HPSE: variants seen among roughly 807,000 people sequenced by gnomAD.
HPSE encodes the protein endo-glucoronidase.
In HPSE, 48 loss-of-function variants were observed where a neutral mutation model predicts 65.1. The observed-to-expected ratio is 0.74, with a 90% CI of 0.58 to 0.94. The LOEUF is 0.94. HPSE is among the 40% of genes least tolerant of loss of function. The pLI is 0.00. For synonymous variants in HPSE, 243 were observed against 260.0 expected, an observed-to-expected ratio of 0.93 and a Z score of 0.63; for missense variants, 644 against 637.5, an observed-to-expected ratio of 1.01 and a Z score of -0.11.
intron 3 of HPSE, among the ~76,000 whole-genome samples, chr4:83,314,336 G>A (rs1176830420): frequency 6.6e-6 from 1 of 151,898 alleles, no homozygotes; most frequent in Non-Finnish European, 1.5e-5. Context: ...TTATTTATCT[G>A]AAATTCAACT....
chr4:83,319,336 T>C lies in HPSE; in HGVS notation c.499+8A>G. 6.8e-6 allele frequency: 11 copies of C among 1,613,648 alleles called. No individual in the cohort carries two copies. Among genetic ancestry groups the C allele is most frequent in the Non-Finnish European group, 9.3e-6 (11 of 1,179,712 alleles). On this transcript the variant is annotated splice_region_variant and intron_variant, in intron 3 of 11. Transcript: ENST00000311412. ...TGGAACATCTCTAGGGTGCCTTTCA[T>C]TTCTTACTTGAGTAGGTGCTGTTCT...
chr4:83,307,064 G>GACC (rs553635852), intron 8 of HPSE, among the ~76,000 whole-genome samples: 9 of 151,916 alleles, frequency 5.9e-5, no homozygotes, highest in Non-Finnish European at 8.8e-5. Flanking sequence ...TCTCCAACCT[G>GACC]ACCAACCAGC....
intron 1 of HPSE, among the ~76,000 whole-genome samples, chr4:83,333,198 G>A (rs1263795803): frequency 2.0e-5 from 3 of 152,168 alleles, no homozygotes; most frequent in Non-Finnish European, 2.9e-5. Flanking sequence ...GAAACAATTC[G>A]TTTGAAACGT....
At chr4:83,312,598 A>C (rs1292888626) in intron 4 of HPSE, among the ~76,000 whole-genome samples, 1 of 142,056 alleles carries the variant, frequency 7.0e-6, no homozygotes. Context: ...GAATGGCGTG[A>C]ACCTGGGAGG....
In HPSE at chr4:83,299,380, AAAAAAAAAAG is replaced by A. The variant is rs1735853615; in HGVS notation, c.1472+1570_1472+1579del. Among the ~76,000 whole-genome samples the A allele has an allele frequency of 5.3e-5, 8 of 149,824 alleles. No homozygotes were observed. The South Asian group carries it at 1.5e-3, about 27-fold the overall frequency. On this transcript the variant is annotated intron_variant, in intron 11 of 11. Transcript: ENST00000311412. Reference sequence around the variant, plus strand: ...CTCTGTCTCAAAAAAAAAAAAAAAAAAAAAAAAAAGAAGAAAGAGAAAATGTCTACAGAGG... The same window carrying A: ...CTCTGTCTCAAAAAAAAAAAAAAAAAAAGAAAGAGAAAATGTCTACAGAGG...
intron 11 of HPSE, among the ~76,000 whole-genome samples, chr4:83,296,663 T>G (rs906455774): frequency 6.7e-6 from 1 of 149,630 alleles, no homozygotes; most frequent in Non-Finnish European, 1.5e-5. Context: ...AGAGCAAGAT[T>G]CTGTCTAAAA....
At chr4:83,328,130 G>A (rs925505966) in intron 1 of HPSE, among the ~76,000 whole-genome samples, 1 of 152,218 alleles carries the variant, frequency 6.6e-6, no homozygotes, top group Non-Finnish European at 1.5e-5. Flanking sequence ...GTATTAGTTT[G>A]TTAGGGCTGC....
At chr4:83,305,293 T>C (rs2126185499) in intron 9 of HPSE, among the ~76,000 whole-genome samples, 1 of 152,328 alleles carries the variant, frequency 6.6e-6, no homozygotes, top group Admixed American at 6.5e-5. Flanking sequence ...ACTCTATACA[T>C]GACAGAATAT....
chr4:83,297,053 A>G (rs552733529), intron 11 of HPSE, among the ~76,000 whole-genome samples: 67 of 152,338 alleles, frequency 4.4e-4, no homozygotes, highest in African/African-American at 1.6e-3. Context: ...ACATTGTAGC[A>G]CAACACATTA....
intron 11 of HPSE, among the ~76,000 whole-genome samples, chr4:83,298,834 T>A (rs964312321): frequency 6.6e-6 from 1 of 152,036 alleles, no homozygotes; most frequent in Non-Finnish European, 1.5e-5. Flanking sequence ...GCCTCAAAAA[T>A]AATGATAATG....
At chr4:83,296,540 TG>T (rs1477386559) in intron 11 of HPSE, among the ~76,000 whole-genome samples, 1 of 151,948 alleles carries the variant, frequency 6.6e-6, no homozygotes, top group African/African-American at 2.4e-5. Flanking sequence ...CCGGGCATGG[TG>T]GTGTGTGCCT....
At chr4:83,320,027 CT>C (rs1736823062) in intron 2 of HPSE, among the ~76,000 whole-genome samples, 2 of 36,882 alleles carry the variant, frequency 5.4e-5, no homozygotes, top group South Asian at 2.1e-3. Context: ...GAGACACTGT[CT>C]AAAAAAAAAA....
At chr4:83,328,312 C>G (rs1386309022) in intron 1 of HPSE, among the ~76,000 whole-genome samples, 1 of 152,174 alleles carries the variant, frequency 6.6e-6, no homozygotes, top group East Asian at 1.9e-4. Flanking sequence ...CTTTTTGACT[C>G]CAACTCCATA....
Position 83,294,637 on chromosome 4 carries a change from G to C in HPSE, c.*707C>G, listed in dbSNP as rs1735660641. On this transcript the variant is annotated 3_prime_UTR_variant, in exon 12 of 12. Transcript: ENST00000311412. ...TAGCCAAGTGTGATGGCATGTGTCT[G>C]TGGTCCTAGCTACTTGGGAGGCTAA... 1 of 152,258 alleles carries C rather than the reference G, an allele frequency of 6.6e-6. No homozygotes were observed. Among genetic ancestry groups the C allele is most frequent in the South Asian group, 2.1e-4 (1 of 4,832 alleles). 9.4% of individuals were successfully genotyped at this position (152,258 alleles called of 1,614,324 possible). A position where few individuals can be genotyped will look rare whatever the true frequency, so the allele number is the denominator to read the frequency against.
At chr4:83,324,113 CTTTTTTTTTTTTTTT>C (rs398051210) in intron 1 of HPSE, among the ~76,000 whole-genome samples, 5 of 74,752 alleles carry the variant, frequency 6.7e-5, no homozygotes, top group Non-Finnish European at 1.2e-4. Flanking sequence ...TCTTCTTCTT[CTTTTTTTTTTTTTTT>C]TTTTTTTTTT....
At chr4:83,311,914 A>C (rs1438703182) in intron 4 of HPSE, among the ~76,000 whole-genome samples, 1 of 152,134 alleles carries the variant, frequency 6.6e-6, no homozygotes, top group Non-Finnish European at 1.5e-5. Flanking sequence ...TTTTGAATAA[A>C]TGTGGCGAAT....
Position 83,301,089 on chromosome 4 carries a change from CCTT to C in HPSE, c.1340_1342del (p.Glu447del). ...GTTTATGGCATACAGAGTTAAATCTCCTTCTTTATACCTTGGACTAAAAGCAAA... is the reference window on the plus strand; with the variant it reads ...GTTTATGGCATACAGAGTTAAATCTCCTTTATACCTTGGACTAAAAGCAAA... On this transcript the variant is annotated inframe_deletion, in exon 11 of 12. Transcript: ENST00000311412. The C allele has an allele frequency of 6.3e-7, 1 of 1,596,598 alleles. No individual in the cohort carries two copies. Among genetic ancestry groups the C allele is most frequent in the Non-Finnish European group, 8.5e-7 (1 of 1,171,216 alleles).
intron 11 of HPSE, among the ~76,000 whole-genome samples, chr4:83,296,453 C>A (rs1735724993): frequency 6.6e-6 from 1 of 152,074 alleles, no homozygotes; most frequent in Non-Finnish European, 1.5e-5. Context: ...GCAGGCAGAT[C>A]ACTTGAGGCC....
At chr4:83,310,125 TGCAC>T in intron 5 of HPSE, 47 bp from the exon 6 acceptor site, 6 of 1,268,290 alleles carry the variant, frequency 4.7e-6, no homozygotes, top group East Asian at 2.3e-5. Flanking sequence ...TACATATATA[TGCAC>T]AATATACGCA....
Sources: allele counts gnomAD v4.1 joint callset (sites outside exome capture counted in the v4.1 genomes callset), GRCh38; gene constraint gnomAD v4.1.1; transcripts MANE v1.5; gene names NCBI Gene and HGNC (gene_info 2026-07-23, HGNC 2026-07-21).